The following MRTFB variants were observed in gnomAD, a reference collection of about 807,000 sequenced individuals.
MRTFB encodes myocardin related transcription factor B.
MRTFB carries 29 observed loss-of-function variants against 104.2 expected under a neutral mutation model. The ratio of observed to expected loss-of-function variants is 0.28; its 90% confidence interval spans 0.21 to 0.38. The LOEUF (loss-of-function observed/expected upper bound fraction) is 0.38. Among genes scored for constraint, MRTFB ranks in the 10% least tolerant of loss-of-function variants. The pLI is 1.00. For missense variants in MRTFB, 1,270 were observed against 1,341.6 expected (o/e 0.95, Z 0.83); for synonymous variants, 535 against 519.5 (o/e 1.03, Z -0.41).
At chr16:14,205,474 TGA>T (rs1567456198) in intron 3 of MRTFB, among the ~76,000 whole-genome samples, 1 of 152,236 alleles carries the variant, frequency 6.6e-6, no homozygotes, top group African/African-American at 2.4e-5. Flanking sequence ...GCTACCTGTA[TGA>T]GATATGCTTT....
intron 8 of MRTFB, among the ~76,000 whole-genome samples, chr16:14,227,398 G>A (rs2042055173): frequency 6.6e-6 from 1 of 152,182 alleles, no homozygotes; most frequent in Non-Finnish European, 1.5e-5. Flanking sequence ...CCCACCATGA[G>A]TGGAAGCAGC....
At chr16:14,035,385 C>A in the MRTFB span, among the ~76,000 whole-genome samples, 4 of 152,188 alleles carry the variant, frequency 2.6e-5, no homozygotes, top group African/African-American at 9.7e-5. Context: ...TTCCTGCCTT[C>A]TTCTATCTCA....
At chr16:14,132,973 G>A (rs946956859) in intron 2 of MRTFB, among the ~76,000 whole-genome samples, 2 of 152,114 alleles carry the variant, frequency 1.3e-5, no homozygotes, top group Non-Finnish European at 2.9e-5. Flanking sequence ...GACAAAATAT[G>A]AATGCAAAAA....
At chr16:14,097,811 T>G (rs923630949) in intron 2 of MRTFB, among the ~76,000 whole-genome samples, 14 of 152,234 alleles carry the variant, frequency 9.2e-5, no homozygotes, top group Non-Finnish European at 4.4e-5. Context: ...TTCGAGGGTT[T>G]TGTATAAGTG....
chr16:14,104,252 G>A (rs1461288851), intron 2 of MRTFB, among the ~76,000 whole-genome samples: 1 of 152,216 alleles, frequency 6.6e-6, no homozygotes, highest in Admixed American at 6.5e-5. Flanking sequence ...CTAAAGGTGT[G>A]ACTGTCTGGG....
the MRTFB span, among the ~76,000 whole-genome samples, chr16:14,022,419 A>G: frequency 6.6e-6 from 1 of 152,014 alleles, no homozygotes; most frequent in African/African-American, 2.4e-5. Flanking sequence ...TTTTTTTTTG[A>G]GACAGTCTTG....
At chr16:14,083,666 A>T (rs1004397159) in intron 2 of MRTFB, among the ~76,000 whole-genome samples, 5 of 152,126 alleles carry the variant, frequency 3.3e-5, no homozygotes, top group Admixed American at 3.3e-4. Context: ...GGGTAATGTA[A>T]AACTATCCTT....
intron 3 of MRTFB, among the ~76,000 whole-genome samples, chr16:14,155,088 G>A (rs1393414499): frequency 1.3e-5 from 2 of 152,078 alleles, no homozygotes; most frequent in African/African-American, 2.4e-5. Context: ...CTTGCTCTAT[G>A]TATATATATT....
chr16:14,262,267 G>A lies in MRTFB; in HGVS notation c.*823G>A, dbSNP rs1332327986. 1 of 152,198 alleles carries A rather than the reference G, an allele frequency of 6.6e-6. No homozygotes were observed. The highest frequency in any genetic ancestry group is 6.5e-5 in the Admixed American group (1 of 15,274). The allele number at this position is 152,198 out of a possible 1,614,324, so 9.4% of individuals were successfully genotyped here. A position where few individuals can be genotyped will look rare whatever the true frequency, so the allele number is the denominator to read the frequency against. On this transcript the variant is annotated 3_prime_UTR_variant, in exon 17 of 17. Coordinates refer to ENST00000571589, the MANE Select transcript of MRTFB (RefSeq NM_001308142.2). ...CATTGTGATTTGTACAGCCTACGCT[G>A]GGGTAAGGAAATGGGTATCCAAGGT...
intron 15 of MRTFB, among the ~76,000 whole-genome samples, chr16:14,253,800 G>A (rs1468335329): frequency 6.6e-6 from 1 of 152,206 alleles, no homozygotes; most frequent in Non-Finnish European, 1.5e-5. Context: ...ATGTCCCTTA[G>A]TTACAGACTC....
chr16:14,211,852 CTTGCAAGGTTA>C (rs1181388455), intron 4 of MRTFB, among the ~76,000 whole-genome samples: 2 of 152,174 alleles, frequency 1.3e-5, no homozygotes, highest in Non-Finnish European at 2.9e-5. Context: ...CTTTCACCTC[CTTGCAAGGTTA>C]TTGCAGGGAC....
At chr16:14,154,000 C>T (rs1018501156) in intron 3 of MRTFB, among the ~76,000 whole-genome samples, 3 of 152,206 alleles carry the variant, frequency 2.0e-5, no homozygotes, top group African/African-American at 7.2e-5. Flanking sequence ...ATCTTTTTCT[C>T]ATGCTTTTAC....
chr16:14,036,629 A>G, the MRTFB span, among the ~76,000 whole-genome samples: 1 of 151,336 alleles, frequency 6.6e-6, no homozygotes, highest in African/African-American at 2.4e-5. Context: ...AAATATATAC[A>G]TTCCATCATA....
At chr16:14,199,997 A>T (rs2040609488) in intron 3 of MRTFB, 1 of 314,312 alleles carries the variant, frequency 3.2e-6, no homozygotes, top group African/African-American at 2.1e-5. Flanking sequence ...TTAAAACTTA[A>T]TGTTATACAT....
chr16:14,030,093 G>C, the MRTFB span, among the ~76,000 whole-genome samples: 1 of 152,086 alleles, frequency 6.6e-6, no homozygotes, highest in Non-Finnish European at 1.5e-5. Flanking sequence ...GTTCCCAGAG[G>C]GTGGGTTTCT....
intron 2 of MRTFB, among the ~76,000 whole-genome samples, chr16:14,084,899 A>G (rs897463150): frequency 3.3e-5 from 5 of 152,336 alleles, no homozygotes; most frequent in Admixed American, 3.3e-4. Flanking sequence ...TAAAAAGCCA[A>G]TTAACTATCA....
intron 2 of MRTFB, among the ~76,000 whole-genome samples, chr16:14,102,314 A>C (rs535650484): frequency 6.6e-6 from 1 of 152,356 alleles, no homozygotes; most frequent in South Asian, 2.1e-4. Flanking sequence ...CTCTTGAGTC[A>C]GGAAACTGGG....
At chr16:14,104,808 T>C (rs946506844) in intron 2 of MRTFB, among the ~76,000 whole-genome samples, 2 of 152,236 alleles carry the variant, frequency 1.3e-5, no homozygotes, top group African/African-American at 4.8e-5. Context: ...AGCTATTCCA[T>C]TCATTGGATA....
chr16:14,115,125 G>A (rs577674430), intron 2 of MRTFB, among the ~76,000 whole-genome samples: 10 of 152,252 alleles, frequency 6.6e-5, no homozygotes, highest in Admixed American at 5.9e-4. Flanking sequence ...ACAGTTATTG[G>A]GAGGATGACC....
Sources: allele counts gnomAD v4.1 joint callset (sites outside exome capture counted in the v4.1 genomes callset), GRCh38; gene constraint gnomAD v4.1.1; transcripts MANE v1.5; gene names NCBI Gene and HGNC (gene_info 2026-07-23, HGNC 2026-07-21).